Variants in SCGB1D2 observed in about 807,000 individuals in gnomAD.
SCGB1D2 encodes lipophilin-B.
In SCGB1D2, 10 loss-of-function variants were observed where a neutral mutation model predicts 10.5. That is an observed-to-expected ratio of 0.95 (90% CI 0.59 to 1.61). The LOEUF (loss-of-function observed/expected upper bound fraction) is 1.61, where lower values mean the gene tolerates loss of function less well. SCGB1D2 is among the 40% of genes most tolerant of loss of function. The pLI is 0.00. For synonymous variants in SCGB1D2, 42 were observed against 42.8 expected, an observed-to-expected ratio of 0.98 and a Z score of 0.08; for missense variants, 113 against 103.8, an observed-to-expected ratio of 1.09 and a Z score of -0.38.
At position 62,244,552 on chromosome 11, in the gene SCGB1D2, G is replaced by T. The variant is rs2134756011; in HGVS notation, c.244-118G>T. The stretch of plus-strand genomic sequence containing the variant: ...CCTCAGTTTCCCAAACTGAGTTGTT[G>T]CCTCTGCCCTTCCAATTGCCTTTGG... On this transcript the variant is annotated intron_variant, in intron 2 of 2. Transcript: ENST00000244926. 9.4e-6 allele frequency: 8 copies of T among 854,016 alleles called. No individual in the cohort carries two copies. The East Asian group carries it at 1.2e-4, about 13-fold the overall frequency. The allele number at this position is 854,016 out of a possible 1,614,324, so 52.9% of individuals were successfully genotyped here.
At chr11:62,242,643 T>C (rs114271337) in intron 1 of SCGB1D2, among the ~76,000 whole-genome samples, 2,793 of 152,228 alleles carry the variant, frequency 0.018, 35 homozygotes, top group Middle Eastern at 0.044. Flanking sequence ...TAATGTGAGG[T>C]CTGGGGTGAA....
Position 62,243,869 on chromosome 11 carries a change from G to A in SCGB1D2, c.243+393G>A, listed in dbSNP as rs116886613. On this transcript the variant is annotated intron_variant, in intron 2 of 2. Transcript: ENST00000244926. ...CACTGTGGAATGTCCTGGGGAGCAT[G>A]GGAGCCTTGAACAGGGAGAGGAAGG... Among the ~76,000 whole-genome samples the A allele has an allele frequency of 5.3e-5, 8 of 152,272 alleles. No homozygotes were observed. In the East Asian group the frequency reaches 1.4e-3, roughly 26 times the overall value.
intron 2 of SCGB1D2, among the ~76,000 whole-genome samples, chr11:62,244,422 A>C (rs749500492): frequency 6.6e-6 from 1 of 152,158 alleles, no homozygotes; most frequent in Non-Finnish European, 1.5e-5. Flanking sequence ...ACTTGCTTCC[A>C]TGAGGATCCT....
chr11:62,242,866 T>C (rs897944933), intron 1 of SCGB1D2, among the ~76,000 whole-genome samples: 1 of 152,192 alleles, frequency 6.6e-6, no homozygotes, highest in Admixed American at 6.5e-5. Context: ...GGAGAGTGAA[T>C]TGCTTGAGCT....
intron 2 of SCGB1D2, among the ~76,000 whole-genome samples, chr11:62,243,938 G>T (rs952320304): frequency 6.6e-6 from 1 of 152,100 alleles, no homozygotes; most frequent in Non-Finnish European, 1.5e-5. Flanking sequence ...TGTAGCACTG[G>T]CAGGCTGGAC....
rs912165800 is a variant in SCGB1D2, at chr11:62,243,191, CAT to C, written c.56-94_56-93del. The C allele has an allele frequency of 2.0e-5, 18 of 910,942 alleles. No homozygotes were observed. The African/African-American group carries it at 3.0e-4, about 15-fold the overall frequency. 56.4% of individuals were successfully genotyped at this position (910,942 alleles called of 1,614,324 possible). On this transcript the variant is annotated intron_variant, in intron 1 of 2. Coordinates refer to ENST00000244926, the MANE Select transcript of SCGB1D2 (RefSeq NM_006551.4). ...CATCAGCACAACAAATGTATGTGAA[CAT>C]ATAACCCAGGGGATCCTGTCTGGTC...
At position 62,244,724 on chromosome 11, in the gene SCGB1D2, T is replaced by C. The variant is rs1302732142; in HGVS notation, c.*25T>C. The C allele has an allele frequency of 6.3e-7, 1 of 1,599,346 alleles. No homozygotes were observed. Among genetic ancestry groups the C allele is most frequent in the Admixed American group, 1.7e-5 (1 of 59,878 alleles). On this transcript the variant is annotated 3_prime_UTR_variant, in exon 3 of 3. Coordinates refer to ENST00000244926, the MANE Select transcript of SCGB1D2 (RefSeq NM_006551.4). ...ACATGTAAAAACTTTCATCCTGGTTTCCACTGTCTTTCAATGACACCCTGA... is the reference window on the plus strand; with the variant it reads ...ACATGTAAAAACTTTCATCCTGGTTCCCACTGTCTTTCAATGACACCCTGA...
chr11:62,243,064 C>T (rs1945076745), intron 1 of SCGB1D2, among the ~76,000 whole-genome samples: 1 of 152,082 alleles, frequency 6.6e-6, no homozygotes, highest in African/African-American at 2.4e-5. Context: ...TGAATTCCAG[C>T]CTGGGTGACA....
chr11:62,244,803 T>C lies in SCGB1D2; in HGVS notation c.*104T>C. ...CGTCTTGCTTTAATAAATCACTTGCTCTCCACGTCTCCACTGGTCTTGTTA... is the reference window on the plus strand; with the variant it reads ...CGTCTTGCTTTAATAAATCACTTGCCCTCCACGTCTCCACTGGTCTTGTTA... On this transcript the variant is annotated 3_prime_UTR_variant, in exon 3 of 3. Coordinates refer to ENST00000244926, the MANE Select transcript of SCGB1D2 (RefSeq NM_006551.4). 3.2e-6 allele frequency: 3 copies of C among 950,190 alleles called. No homozygotes were observed. The highest frequency in any genetic ancestry group is 5.0e-6 in the Non-Finnish European group (3 of 595,438). 58.9% of individuals were successfully genotyped at this position (950,190 alleles called of 1,614,324 possible).
At position 62,244,728 on chromosome 11, in the gene SCGB1D2, C is replaced by G. The variant is rs750940821; in HGVS notation, c.*29C>G. The G allele has an allele frequency of 1.3e-6, 2 of 1,594,326 alleles. No individual in the cohort carries two copies. Among genetic ancestry groups the G allele is most frequent in the African/African-American group, 2.7e-5 (2 of 74,432 alleles). On this transcript the variant is annotated 3_prime_UTR_variant, in exon 3 of 3. Coordinates refer to ENST00000244926, the MANE Select transcript of SCGB1D2 (RefSeq NM_006551.4). ...GTAAAAACTTTCATCCTGGTTTCCA[C>G]TGTCTTTCAATGACACCCTGATCTT...
intron 2 of SCGB1D2, 46 bp downstream of exon 2, chr11:62,243,522 C>G: frequency 6.5e-7 from 1 of 1,528,340 alleles, no homozygotes; most frequent in South Asian, 1.2e-5. Context: ...GTCAGCTGCA[C>G]AGTATGAAGT....
At chr11:62,243,815 C>A (rs1293364595) in intron 2 of SCGB1D2, among the ~76,000 whole-genome samples, 3 of 152,148 alleles carry the variant, frequency 2.0e-5, no homozygotes, top group Non-Finnish European at 4.4e-5. Flanking sequence ...TTTCCTGAGA[C>A]CAAACTGCCC....
chr11:62,244,611 C>A, intron 2 of SCGB1D2, 59 bp from the exon 3 acceptor site: 3 of 1,488,198 alleles, frequency 2.0e-6, no homozygotes, highest in Admixed American at 1.7e-5. Flanking sequence ...GGATGTGAGC[C>A]TGTCACCTCC....
intron 2 of SCGB1D2, among the ~76,000 whole-genome samples, chr11:62,244,105 C>T (rs1463085316): frequency 6.6e-6 from 1 of 152,194 alleles, no homozygotes; most frequent in Non-Finnish European, 1.5e-5. Flanking sequence ...GATGTTCTCA[C>T]TCTGTCTTTC....
In SCGB1D2 at chr11:62,244,803, T is replaced by G; in HGVS notation, c.*104T>G. ...CGTCTTGCTTTAATAAATCACTTGC[T>G]CTCCACGTCTCCACTGGTCTTGTTA... On this transcript the variant is annotated 3_prime_UTR_variant, in exon 3 of 3. Transcript: ENST00000244926. 1.1e-6 allele frequency: 1 copy of G among 950,190 alleles called. No homozygotes were observed. Among genetic ancestry groups the G allele is most frequent in the Admixed American group, 1.9e-5 (1 of 52,794 alleles). The allele number at this position is 950,190 out of a possible 1,614,324, so 58.9% of individuals were successfully genotyped here. A position where few individuals can be genotyped will look rare whatever the true frequency, so the allele number is the denominator to read the frequency against.
intron 1 of SCGB1D2, 113 bp from the exon 2 acceptor site, chr11:62,243,176 A>G (rs1397960199): frequency 7.6e-6 from 6 of 789,410 alleles, no homozygotes; most frequent in Non-Finnish European, 8.1e-6. Flanking sequence ...CATCAGCACA[A>G]CAAATGTATG....
At chr11:62,243,523 A>G (rs764255083) in intron 2 of SCGB1D2, 47 bp downstream of exon 2, 6 of 1,518,672 alleles carry the variant, frequency 4.0e-6, no homozygotes, top group South Asian at 3.7e-5. Flanking sequence ...TCAGCTGCAC[A>G]GTATGAAGTG....
intron 2 of SCGB1D2, 54 bp downstream of exon 2, chr11:62,243,530 A>G: frequency 5.4e-6 from 8 of 1,476,058 alleles, no homozygotes; most frequent in Non-Finnish European, 7.4e-6. Context: ...CACAGTATGA[A>G]GTGAGGTCAG....
chr11:62,244,295 G>A (rs1945090780), intron 2 of SCGB1D2, among the ~76,000 whole-genome samples: 1 of 152,122 alleles, frequency 6.6e-6, no homozygotes, highest in African/African-American at 2.4e-5. Flanking sequence ...CTTCCCAGAA[G>A]CCCTCTCAGC....
Sources: allele counts gnomAD v4.1 joint callset (sites outside exome capture counted in the v4.1 genomes callset), GRCh38; gene constraint gnomAD v4.1.1; transcripts MANE v1.5; gene names NCBI Gene and HGNC (gene_info 2026-07-23, HGNC 2026-07-21).